Variants in ELOVL6 observed in about 807,000 individuals in gnomAD.
ELOVL6 encodes ELOVL fatty acid elongase 6.
In ELOVL6, 8 loss-of-function variants were observed where a neutral mutation model predicts 31.7. The ratio of observed to expected loss-of-function variants is 0.25; its 90% CI spans 0.15 to 0.45. ELOVL6 has a LOEUF of 0.45. Ranked by LOEUF, ELOVL6 falls within the 20% of genes least tolerant of loss-of-function variation. ELOVL6 has a pLI of 1.00. For synonymous variants in ELOVL6, 101 were observed against 117.7 expected (o/e 0.86, Z 0.92); for missense variants, 126 against 326.4 (o/e 0.39, Z 4.73).
intron 3 of ELOVL6, among the ~76,000 whole-genome samples, chr4:110,056,146 A>G (rs1396257943): frequency 6.6e-6 from 1 of 151,494 alleles, no homozygotes; most frequent in East Asian, 1.9e-4. Context: ...CAGTTTCAGT[A>G]CTATACATGG....
chr4:110,113,372 A>G (rs1450793105), intron 1 of ELOVL6, among the ~76,000 whole-genome samples: 1 of 151,918 alleles, frequency 6.6e-6, no homozygotes, highest in Non-Finnish European at 1.5e-5. Flanking sequence ...TTGTCCCAGG[A>G]GTTCGAGACC....
At chr4:110,149,517 C>A (rs1012932389) in intron 1 of ELOVL6, among the ~76,000 whole-genome samples, 3 of 152,142 alleles carry the variant, frequency 2.0e-5, no homozygotes, top group Non-Finnish European at 2.9e-5. Flanking sequence ...TTAAGTGAAA[C>A]AATTCAGACA....
chr4:110,116,451 A>C (rs1030087431), intron 1 of ELOVL6, among the ~76,000 whole-genome samples: 11 of 152,226 alleles, frequency 7.2e-5, no homozygotes, highest in Admixed American at 3.3e-4. Flanking sequence ...GTCTTTAAGC[A>C]ACTCATTAAC....
At chr4:110,081,804 G>A (rs1445145716) in intron 2 of ELOVL6, among the ~76,000 whole-genome samples, 2 of 147,192 alleles carry the variant, frequency 1.4e-5, no homozygotes, top group Non-Finnish European at 3.0e-5. Context: ...GAGTGAACAG[G>A]CAACCTACAA....
chr4:110,062,442 C>T (rs938448177), intron 2 of ELOVL6, among the ~76,000 whole-genome samples: 3 of 152,156 alleles, frequency 2.0e-5, no homozygotes, highest in Admixed American at 2.0e-4. Flanking sequence ...ACTGTGGGGG[C>T]CAATGGGATA....
intron 2 of ELOVL6, among the ~76,000 whole-genome samples, chr4:110,080,783 G>A (rs1755817525): frequency 6.6e-6 from 1 of 152,090 alleles, no homozygotes; most frequent in Non-Finnish European, 1.5e-5. Flanking sequence ...ATTCAATTAG[G>A]AAAAGAGGAA....
At chr4:110,149,465 A>G (rs1446222498) in intron 1 of ELOVL6, among the ~76,000 whole-genome samples, 1 of 152,226 alleles carries the variant, frequency 6.6e-6, no homozygotes, top group Admixed American at 6.5e-5. Context: ...GATTGAGATC[A>G]TGTCTTTTTC....
chr4:110,108,150 T>C (rs1756936023), intron 1 of ELOVL6, among the ~76,000 whole-genome samples: 1 of 152,194 alleles, frequency 6.6e-6, no homozygotes, highest in African/African-American at 2.4e-5. Context: ...CCTGGGAAGC[T>C]TTCATCCAAA....
intron 2 of ELOVL6, among the ~76,000 whole-genome samples, chr4:110,072,385 A>G (rs879779892): frequency 3.3e-5 from 5 of 152,240 alleles, no homozygotes; most frequent in Non-Finnish European, 7.3e-5. Flanking sequence ...CTGAGGCAGG[A>G]GAATAGCTTG....
At chr4:110,083,992 TATAACATATGC>T (rs1756001068) in intron 2 of ELOVL6, among the ~76,000 whole-genome samples, 1 of 115,676 alleles carries the variant, frequency 8.6e-6, no homozygotes, top group Admixed American at 9.1e-5. Flanking sequence ...ATATACGATA[TATAACATATGC>T]CATATATGGT....
intron 1 of ELOVL6, among the ~76,000 whole-genome samples, chr4:110,163,333 A>G (rs1002260962): frequency 1.4e-4 from 22 of 152,224 alleles, no homozygotes; most frequent in African/African-American, 2.4e-5. Flanking sequence ...TCTGGCCCCA[A>G]GTCACCTCCT....
intron 2 of ELOVL6, among the ~76,000 whole-genome samples, chr4:110,064,110 A>AGAAAG (rs34843041): frequency 2.6e-5 from 4 of 151,548 alleles, no homozygotes; most frequent in African/African-American, 9.8e-5. Flanking sequence ...AAAGAAAGAA[A>AGAAAG]AAGAAATATA....
intron 1 of ELOVL6, among the ~76,000 whole-genome samples, chr4:110,187,912 T>A (rs867348386): frequency 2.6e-5 from 4 of 152,228 alleles, no homozygotes; most frequent in Admixed American, 6.5e-5. Context: ...ATCTTTATAC[T>A]TCTTAATGTT....
intron 1 of ELOVL6, among the ~76,000 whole-genome samples, chr4:110,177,400 G>T (rs1759140456): frequency 6.6e-6 from 1 of 152,066 alleles, no homozygotes; most frequent in Non-Finnish European, 1.5e-5. Flanking sequence ...TCATGCCACT[G>T]CACGCCAGCC....
intron 2 of ELOVL6, among the ~76,000 whole-genome samples, chr4:110,086,678 T>C (rs1362332951): frequency 6.6e-6 from 1 of 152,084 alleles, no homozygotes; most frequent in Non-Finnish European, 1.5e-5. Context: ...GTAGTGTTAG[T>C]GGTAAAAATG....
intron 2 of ELOVL6, among the ~76,000 whole-genome samples, chr4:110,067,275 T>G (rs1307805099): frequency 6.6e-6 from 1 of 152,178 alleles, no homozygotes; most frequent in Non-Finnish European, 1.5e-5. Context: ...GATACCTCCA[T>G]TAGAAAATCT....
At chr4:110,084,580 ATATATATATTTTTTTTTTT>A (rs1560815912) in intron 2 of ELOVL6, among the ~76,000 whole-genome samples, 1 of 55,344 alleles carries the variant, frequency 1.8e-5, no homozygotes, top group African/African-American at 1.4e-4. Flanking sequence ...ATATATATAT[ATATATATATTTTTTTTTTT>A]TTTTTTTTTT....
chr4:110,097,291 C>G (rs1163349663), intron 2 of ELOVL6, among the ~76,000 whole-genome samples: 2 of 127,360 alleles, frequency 1.6e-5, no homozygotes, highest in Non-Finnish European at 3.2e-5. Context: ...GGTGACAGAG[C>G]GAGACTCCAT....
chr4:110,162,087 C>T (rs1016249898), intron 1 of ELOVL6, among the ~76,000 whole-genome samples: 2 of 152,158 alleles, frequency 1.3e-5, no homozygotes, highest in Admixed American at 6.5e-5. Flanking sequence ...ACTGCATACC[C>T]TTGTGGAACA....
Sources: gnomAD v4.1 joint callset for allele counts (sites outside exome capture counted in the v4.1 genomes callset) on GRCh38, gnomAD v4.1.1 for gene constraint, MANE v1.5 for transcripts, NCBI Gene and HGNC (gene_info 2026-07-23, HGNC 2026-07-21) for gene names.